MEGF11: variants seen among roughly 807,000 people sequenced by gnomAD.
The protein encoded by MEGF11 is multiple EGF like domains 11.
A neutral mutation model predicts 146.6 loss-of-function variants in MEGF11; 126 were observed. The observed-to-expected ratio is 0.86, with a 90% CI of 0.74 to 1.00. The LOEUF is 1.00. Among genes scored for constraint, MEGF11 ranks in the 50% least tolerant of loss-of-function variants. The pLI, the probability that MEGF11 is intolerant of heterozygous loss-of-function variation, is 0.00. For synonymous variants in MEGF11, 532 were observed against 583.4 expected, an observed-to-expected ratio of 0.91 and a Z score of 1.27; for missense variants, 1,509 against 1,521.2, an observed-to-expected ratio of 0.99 and a Z score of 0.13.
rs547621322 is a variant in MEGF11, at chr15:66,123,816, C to T, written c.200+83G>A. On this transcript the variant is annotated intron_variant, in intron 3 of 25. Transcript: ENST00000395614. ...AGGCGCGTGACAACATCTGCTCCAG[C>T]GGCCTTTTTCTAACTTGCACAGAGG... The T allele has an allele frequency of 1.7e-4, 181 of 1,067,352 alleles. 1 individual carries two copies. Among genetic ancestry groups the T allele is most frequent in the Non-Finnish European group, 1.6e-4 (113 of 687,108 alleles). The allele number at this position is 1,067,352 out of a possible 1,614,324, so 66.1% of individuals were successfully genotyped here.
intron 5 of MEGF11, among the ~76,000 whole-genome samples, chr15:65,990,870 G>A (rs181630150): frequency 2.7e-4 from 41 of 152,272 alleles, no homozygotes; most frequent in Admixed American, 2.4e-3. Context: ...GATAGGAGGT[G>A]TGTTTGTATG....
chr15:66,065,583 C>T (rs1189071841), intron 5 of MEGF11, among the ~76,000 whole-genome samples: 3 of 152,176 alleles, frequency 2.0e-5, no homozygotes, highest in Admixed American at 6.5e-5. Context: ...GGTCCTTGGG[C>T]AGGTGGGGGT....
intron 1 of MEGF11, among the ~76,000 whole-genome samples, chr15:66,226,402 C>A (rs541548400): frequency 6.6e-6 from 1 of 152,272 alleles, no homozygotes; most frequent in African/African-American, 2.4e-5. Flanking sequence ...CGTGTGCCAC[C>A]ACGCCTGGCT....
intron 1 of MEGF11, among the ~76,000 whole-genome samples, chr15:66,247,348 T>C (rs1196489575): frequency 1.3e-5 from 2 of 152,216 alleles, no homozygotes; most frequent in Non-Finnish European, 2.9e-5. Context: ...TCTACTCTCT[T>C]GTACTAATCA....
chr15:66,209,361 A>C (rs1006073664), intron 1 of MEGF11, among the ~76,000 whole-genome samples: 2 of 152,124 alleles, frequency 1.3e-5, no homozygotes, highest in Admixed American at 6.6e-5. Context: ...AAAAAAAAAA[A>C]CAAAAAAAAC....
In MEGF11 at chr15:65,982,229, C is replaced by A; in HGVS notation, c.641+13G>T. The stretch of plus-strand genomic sequence containing the variant: ...CCAGGTCCCGCCCCTCCAGGTCCTG[C>A]CGCATGACTCACTAGACGCCGGTGT... On this transcript the variant is annotated intron_variant, in intron 6 of 25. Coordinates refer to ENST00000395614, the MANE Select transcript of MEGF11 (RefSeq NM_001385028.1). This position sits in a 1 kb window ranked among gnomAD's most constrained non-coding sequence, Gnocchi z 5.6. 6.5e-7 allele frequency: 1 copy of A among 1,534,006 alleles called. No individual in the cohort carries two copies. Among genetic ancestry groups the A allele is most frequent in the Non-Finnish European group, 8.8e-7 (1 of 1,142,592 alleles).
chr15:66,088,396 C>T (rs1471387305), intron 5 of MEGF11, among the ~76,000 whole-genome samples: 1 of 152,210 alleles, frequency 6.6e-6, no homozygotes, highest in Non-Finnish European at 1.5e-5. Flanking sequence ...ATGGCTCACG[C>T]CTGTAATCCC....
chr15:66,234,869 C>T (rs546302353), intron 1 of MEGF11, among the ~76,000 whole-genome samples: 7 of 30,632 alleles, frequency 2.3e-4, no homozygotes, highest in East Asian at 1.4e-3. Flanking sequence ...AGAAGGACAC[C>T]GAGCCTCCAG....
chr15:66,014,950 A>G (rs1295858689), intron 5 of MEGF11, among the ~76,000 whole-genome samples: 1 of 120,866 alleles, frequency 8.3e-6, no homozygotes, highest in Non-Finnish European at 1.7e-5. Context: ...TACGCGCTCA[A>G]CAACCAGCTC....
At chr15:66,112,990 G>A (rs914759022) in intron 4 of MEGF11, among the ~76,000 whole-genome samples, 1 of 152,184 alleles carries the variant, frequency 6.6e-6, no homozygotes, top group African/African-American at 2.4e-5. Context: ...ATAGGAATTC[G>A]ATTTAAATTT....
At position 65,912,126 on chromosome 15, in the gene MEGF11, C is replaced by T. The variant is rs1470016086; in HGVS notation, c.2785G>A (p.Ala929Thr). 11 of 1,232,002 alleles carry T rather than the reference C, an allele frequency of 8.9e-6. No individual in the cohort carries two copies. The highest frequency in any genetic ancestry group is 1.1e-5 in the Non-Finnish European group (11 of 988,016). The allele number at this position is 1,232,002 out of a possible 1,614,324, so 76.3% of individuals were successfully genotyped here. ...SYHALACGGPATSQASTLDRN... is the reference protein window; with the variant it reads ...SYHALACGGPTTSQASTLDRN... ...TCCAGAGTGCTGGCCTGGCTGGTGG[C>T]AGGCCCCCCACATGCCAGTGCGTGG... Residue 929 changes from alanine to threonine, a missense_variant, in exon 21 of 26, where the codon GCC becomes ACC. Physicochemically the swap from Ala to Thr is moderately conservative, Grantham distance 58. Transcript: ENST00000395614.
At chr15:66,151,745 C>T (rs1471460929) in intron 1 of MEGF11, among the ~76,000 whole-genome samples, 1 of 152,144 alleles carries the variant, frequency 6.6e-6, no homozygotes, top group African/African-American at 2.4e-5. Context: ...CCCAGGGAGC[C>T]CCAGACCCAC....
chr15:65,900,881 A>G (rs556609891), intron 24 of MEGF11, among the ~76,000 whole-genome samples: 4 of 152,350 alleles, frequency 2.6e-5, no homozygotes, highest in Non-Finnish European at 5.9e-5. Flanking sequence ...CTCAGCTAGC[A>G]CCAGCAAGGC....
chr15:65,959,154 G>A (rs1224838639), intron 9 of MEGF11, among the ~76,000 whole-genome samples: 2 of 152,292 alleles, frequency 1.3e-5, no homozygotes, highest in East Asian at 1.9e-4. Context: ...TTTATCATCT[G>A]TCTTCTCCAC....
At chr15:65,959,994 A>G (rs930662165) in intron 9 of MEGF11, among the ~76,000 whole-genome samples, 2 of 152,226 alleles carry the variant, frequency 1.3e-5, no homozygotes, top group South Asian at 4.1e-4. Flanking sequence ...GAATGCTAAG[A>G]GATGTATTCA....
rs1205646057 is a variant in MEGF11 at position 65,909,058 on chromosome 15, G to A, written c.2974C>T (p.Arg992Cys). 2.3e-5 allele frequency: 36 copies of A among 1,535,150 alleles called. No individual in the cohort carries two copies. In the East Asian group the frequency reaches 2.7e-4, roughly 11 times the overall value. The change falls in exon 23 of 26, where the codon CGC becomes TGC. Residue 992 changes from arginine to cysteine, a missense_variant. Coordinates refer to ENST00000395614, the MANE Select transcript of MEGF11 (RefSeq NM_001385028.1). ...CCTGGTGAGTGTGGCTCAGCGGGGC[G>A]GCTGAGGTGTCTAAGTTCAATGTAG... Reference protein sequence around the residue: ...DFYIELRHLSRPAEPHSPGAC... With the variant: ...DFYIELRHLSCPAEPHSPGAC...
In MEGF11 at chr15:66,053,925, G is replaced by T. The variant is rs115875015; in HGVS notation, c.394+40477C>A. Among the ~76,000 whole-genome samples, 529 of 151,732 alleles carry T rather than the reference G, an allele frequency of 3.5e-3. 1 individual carries two copies. Among genetic ancestry groups the T allele is most frequent in the African/African-American group, 0.012 (510 of 41,360 alleles). On this transcript the variant is annotated intron_variant, in intron 5 of 25. Coordinates refer to ENST00000395614, the MANE Select transcript of MEGF11 (RefSeq NM_001385028.1). ...TGTAGAGTCAGGGTTTTGCCATGTT[G>T]CCCAGGCTGTTGGTCTTGAACTCCT...
In MEGF11 at chr15:65,925,909, C is replaced by T. The variant is rs574384011; in HGVS notation, c.1675+2516G>A. Among the ~76,000 whole-genome samples the T allele has an allele frequency of 3.9e-5, 6 of 152,330 alleles. No individual in the cohort carries two copies. The South Asian group carries it at 1.0e-3, about 26-fold the overall frequency. On this transcript the variant is annotated intron_variant, in intron 13 of 25. Coordinates refer to ENST00000395614, the MANE Select transcript of MEGF11 (RefSeq NM_001385028.1). Reference sequence around the variant, plus strand: ...GATAATCAGCAGCATACAGCTTTGTCTCTACCTGTTACTTGAAAGCTTCAT... The same window carrying T: ...GATAATCAGCAGCATACAGCTTTGTTTCTACCTGTTACTTGAAAGCTTCAT...
chr15:66,101,081 G>A (rs1477301324), intron 4 of MEGF11, among the ~76,000 whole-genome samples: 1 of 152,158 alleles, frequency 6.6e-6, no homozygotes, highest in Non-Finnish European at 1.5e-5. Context: ...GCGAGCAAGG[G>A]CACTGGAACA....
Sources: gnomAD v4.1 joint callset for allele counts (sites outside exome capture counted in the v4.1 genomes callset) on GRCh38, gnomAD v4.1.1 for gene constraint, Gnocchi (gnomAD v3.1) non-coding constraint, MANE v1.5 for transcripts, NCBI Gene and HGNC (gene_info 2026-07-23, HGNC 2026-07-21) for gene names.